The following TFEC variants were observed in gnomAD, a reference collection of about 807,000 sequenced individuals.
The protein encoded by TFEC is class E basic helix-loop-helix protein 34.
A neutral mutation model predicts 41.6 loss-of-function variants in TFEC; 31 were observed. The ratio of observed to expected loss-of-function variants is 0.74; its 90% CI spans 0.56 to 1.01. The LOEUF (loss-of-function observed/expected upper bound fraction) is 1.01. Among genes scored for constraint, TFEC ranks in the 50% least tolerant of loss-of-function variants. The pLI is 0.00. For synonymous variants in TFEC, 143 were observed against 140.6 expected (o/e 1.02, Z -0.12); for missense variants, 402 against 404.1 (o/e 0.99, Z 0.04).
At chr7:116,062,599 A>ATATC (rs1400618373) in intron 3 of TFEC, among the ~76,000 whole-genome samples, 1 of 119,984 alleles carries the variant, frequency 8.3e-6, no homozygotes, top group Non-Finnish European at 1.8e-5. Flanking sequence ...ATATATATAT[A>ATATC]TCACATTTTT....
chr7:116,090,584 G>A (rs1003911113), intron 3 of TFEC, among the ~76,000 whole-genome samples: 1 of 152,020 alleles, frequency 6.6e-6, no homozygotes, highest in African/African-American at 2.4e-5. Context: ...ACTGGCAACT[G>A]CTCTCCAAAA....
At chr7:116,127,147 G>A (rs1253593643) in intron 1 of TFEC, among the ~76,000 whole-genome samples, 2 of 151,456 alleles carry the variant, frequency 1.3e-5, no homozygotes, top group Non-Finnish European at 2.9e-5. Flanking sequence ...CCAGGCTGGA[G>A]TGCAGTGGCG....
In TFEC at chr7:116,097,068, G is replaced by A. The variant is rs188965186; in HGVS notation, c.198+13640C>T. On this transcript the variant is annotated intron_variant, in intron 3 of 8. Transcript: ENST00000484212. ...TTGCACCACTACACTCCAGCCTGGC[G>A]ACAGAGCGACACTCTGTTTCAAAAA... Among the ~76,000 whole-genome samples, 346 of 149,222 alleles carry A rather than the reference G, an allele frequency of 2.3e-3. 3 individuals are homozygous for A. Among genetic ancestry groups the A allele is most frequent in the Non-Finnish European group, 3.7e-4 (25 of 67,614 alleles).
At chr7:115,968,807 GC>G (rs1792994405) in intron 3 of TFEC, among the ~76,000 whole-genome samples, 1 of 151,814 alleles carries the variant, frequency 6.6e-6, no homozygotes, top group South Asian at 2.1e-4. Context: ...TGGATTCAAG[GC>G]CCTACTTTGC....
chr7:115,937,007 A>C lies in TFEC; in HGVS notation c.*3544T>G, dbSNP rs973967784. The C allele has an allele frequency of 6.6e-6, 1 of 151,630 alleles. No individual in the cohort carries two copies. Among genetic ancestry groups the C allele is most frequent in the Admixed American group, 6.6e-5 (1 of 15,196 alleles). 9.4% of individuals were successfully genotyped at this position (151,630 alleles called of 1,614,324 possible). ...AAAAATTCAAGAAGAAAAGGCACTA[A>C]AGAAAAAAATTGTAAAGAGCTGTAT... On this transcript the variant is annotated 3_prime_UTR_variant, in exon 8 of 8. Coordinates refer to ENST00000265440, the MANE Select transcript of TFEC (RefSeq NM_012252.4).
At chr7:116,152,831 G>A (rs1360744900) in intron 1 of TFEC, among the ~76,000 whole-genome samples, 1 of 152,058 alleles carries the variant, frequency 6.6e-6, no homozygotes, top group Non-Finnish European at 1.5e-5. Flanking sequence ...AGCTCACAAT[G>A]GTCGATATCC....
At position 116,044,906 on chromosome 7, in the gene TFEC, G is replaced by A. The variant is rs114499292; in HGVS notation, c.199-60393C>T. Among the ~76,000 whole-genome samples, 1,204 of 152,294 alleles carry A rather than the reference G, an allele frequency of 7.9e-3. 25 individuals carry two copies. Among genetic ancestry groups the A allele is most frequent in the African/African-American group, 0.028 (1,151 of 41,546 alleles). The stretch of plus-strand genomic sequence containing the variant: ...GCACTGTCTACTTTAGAAGAGGGAC[G>A]AAATTAGATTTCACCAGTTACGTAA... On this transcript the variant is annotated intron_variant, in intron 3 of 8. Transcript: ENST00000484212.
rs918217267 is a variant in TFEC, at chr7:115,935,240, A to C, written c.*5311T>G. 6.6e-6 allele frequency: 1 copy of C among 152,072 alleles called. No individual in the cohort carries two copies. Among genetic ancestry groups the C allele is most frequent in the Non-Finnish European group, 1.5e-5 (1 of 67,672 alleles). 9.4% of individuals were successfully genotyped at this position (152,072 alleles called of 1,614,324 possible). A position where few individuals can be genotyped will look rare whatever the true frequency, so the allele number is the denominator to read the frequency against. On this transcript the variant is annotated 3_prime_UTR_variant, in exon 8 of 8. Coordinates refer to ENST00000265440, the MANE Select transcript of TFEC (RefSeq NM_012252.4). ...TTTACAAAGATTTTTGTATGTATTA[A>C]AGTACACCAAAGTTCTCCATTTTCT...
At chr7:115,967,558 T>C (rs938975591) in intron 3 of TFEC, among the ~76,000 whole-genome samples, 2 of 151,914 alleles carry the variant, frequency 1.3e-5, no homozygotes, top group Non-Finnish European at 2.9e-5. Flanking sequence ...TCCTCTAAAT[T>C]TGTTTTCTTT....
intron 3 of TFEC, among the ~76,000 whole-genome samples, chr7:116,053,043 C>T (rs944063992): frequency 2.6e-5 from 4 of 151,678 alleles, no homozygotes; most frequent in African/African-American, 4.8e-5. Flanking sequence ...CTGCACTCCA[C>T]CATGGGCGAC....
intron 1 of TFEC, 101 bp from the exon 2 acceptor site, chr7:115,984,614 T>C (rs1279257646): frequency 1.0e-5 from 14 of 1,340,910 alleles, no homozygotes; most frequent in South Asian, 1.5e-5. Context: ...CACTACACTA[T>C]AGCATCTAGT....
At chr7:116,141,021 T>A (rs1055766800) in intron 1 of TFEC, among the ~76,000 whole-genome samples, 1 of 152,168 alleles carries the variant, frequency 6.6e-6, no homozygotes, top group Non-Finnish European at 1.5e-5. Context: ...TTGGAAAAAA[T>A]TCTCTTATAA....
chr7:115,946,971 C>A (rs1037497245), intron 6 of TFEC, among the ~76,000 whole-genome samples: 4 of 150,992 alleles, frequency 2.6e-5, no homozygotes, highest in African/African-American at 7.3e-5. Flanking sequence ...TGCCAATGTG[C>A]AGGTTAGTTA....
At chr7:116,076,929 C>A (rs1198596291) in intron 3 of TFEC, among the ~76,000 whole-genome samples, 4 of 152,092 alleles carry the variant, frequency 2.6e-5, no homozygotes, top group Non-Finnish European at 5.9e-5. Flanking sequence ...CAAGGAACAT[C>A]TGGGAAATTT....
At chr7:116,056,003 G>C (rs1796421027) in intron 3 of TFEC, among the ~76,000 whole-genome samples, 2 of 151,894 alleles carry the variant, frequency 1.3e-5, no homozygotes, top group Non-Finnish European at 2.9e-5. Flanking sequence ...TAAAATCATT[G>C]TTTAAAAATC....
At chr7:116,070,927 T>C (rs1419474601) in intron 3 of TFEC, among the ~76,000 whole-genome samples, 1 of 151,360 alleles carries the variant, frequency 6.6e-6, no homozygotes, top group Non-Finnish European at 1.5e-5. Flanking sequence ...AAACCCACAG[T>C]AACACATAAT....
intron 1 of TFEC, among the ~76,000 whole-genome samples, chr7:116,148,835 T>C (rs1374636485): frequency 6.6e-6 from 1 of 151,768 alleles, no homozygotes; most frequent in East Asian, 1.9e-4. Flanking sequence ...TGCGAGTCAT[T>C]CACATAGGGT....
chr7:116,091,906 T>C (rs887895066), intron 3 of TFEC, among the ~76,000 whole-genome samples: 1 of 151,936 alleles, frequency 6.6e-6, no homozygotes, highest in Admixed American at 6.6e-5. Context: ...ATACTATTCA[T>C]CCCCTTTAAC....
At chr7:115,986,190 T>C (rs1249646714) in intron 1 of TFEC, among the ~76,000 whole-genome samples, 1 of 152,174 alleles carries the variant, frequency 6.6e-6, no homozygotes, top group African/African-American at 2.4e-5. Flanking sequence ...AGTGTTAATA[T>C]CAACTATAGC....
Sources: gnomAD v4.1 joint callset for allele counts (sites outside exome capture counted in the v4.1 genomes callset) on GRCh38, gnomAD v4.1.1 for gene constraint, MANE v1.5 for transcripts, NCBI Gene and HGNC (gene_info 2026-07-23, HGNC 2026-07-21) for gene names.